The following DPP8 variants were observed in gnomAD, a reference collection of about 807,000 sequenced individuals.
DPP8 encodes DPP VIII.
Under a neutral mutation model 107.5 loss-of-function variants are expected in DPP8, and 31 were observed. The ratio of observed to expected loss-of-function variants is 0.29; its 90% CI spans 0.22 to 0.39. DPP8 has a LOEUF of 0.39. DPP8 is among the 10% of genes least tolerant of loss of function. DPP8 has a pLI of 1.00. For missense variants in DPP8, 842 were observed against 1,076.1 expected (o/e 0.78, Z 3.04); for synonymous variants, 381 against 356.6 (o/e 1.07, Z -0.77).
chr15:65,480,083 A>G lies in DPP8; in HGVS notation c.1296+139T>C, dbSNP rs958429432. 30 of 672,122 alleles carry G rather than the reference A, an allele frequency of 4.5e-5. No individual in the cohort carries two copies. The South Asian group carries it at 4.7e-4, about 10-fold the overall frequency. 41.6% of individuals were successfully genotyped at this position (672,122 alleles called of 1,614,324 possible). A position where few individuals can be genotyped will look rare whatever the true frequency, so the allele number is the denominator to read the frequency against. ...ATTCCATTCTGGAACCATCACTCCAATTGGAAATGCTCATACTAAAGAAAT... is the reference window on the plus strand; with the variant it reads ...ATTCCATTCTGGAACCATCACTCCAGTTGGAAATGCTCATACTAAAGAAAT... On this transcript the variant is annotated intron_variant, in intron 10 of 19. Transcript: ENST00000300141.
intron 7 of DPP8, among the ~76,000 whole-genome samples, chr15:65,486,438 C>T (rs990392642): frequency 9.2e-5 from 14 of 151,762 alleles, no homozygotes; most frequent in African/African-American, 2.9e-4. Flanking sequence ...CCAGGCTGGT[C>T]GAGCTACTCA....
chr15:65,487,631 A>T lies in DPP8; in HGVS notation c.955+59T>A. On this transcript the variant is annotated intron_variant, in intron 7 of 19. Transcript: ENST00000300141. Reference sequence around the variant, plus strand: ...TGGCTACACCTTTGGATGACTACAGAAAGAATCTTATTTGGAAAGAGGAAA... The same window carrying T: ...TGGCTACACCTTTGGATGACTACAGTAAGAATCTTATTTGGAAAGAGGAAA... 3.2e-6 allele frequency: 5 copies of T among 1,545,378 alleles called. No individual in the cohort carries two copies. The South Asian group carries it at 4.8e-5, about 15-fold the overall frequency.
chr15:65,453,239 G>T (rs183649943), intron 17 of DPP8, among the ~76,000 whole-genome samples: 1 of 152,296 alleles, frequency 6.6e-6, no homozygotes, highest in African/African-American at 2.4e-5. Context: ...ATACAATGGT[G>T]TACAGGGCAA....
At chr15:65,466,967 G>C (rs2065416080) in intron 13 of DPP8, 104 bp downstream of exon 13, 2 of 1,473,312 alleles carry the variant, frequency 1.4e-6, no homozygotes, top group East Asian at 2.3e-5. Flanking sequence ...CTTTTCCTTA[G>C]AGAATTAGGC....
intron 18 of DPP8, among the ~76,000 whole-genome samples, chr15:65,451,750 C>A (rs1415043644): frequency 2.0e-5 from 3 of 151,664 alleles, no homozygotes; most frequent in Non-Finnish European, 4.4e-5. Context: ...CATGATAAAA[C>A]CCTGACTCTA....
At position 65,481,632 on chromosome 15, in the gene DPP8, A is replaced by C; in HGVS notation, c.1018-17T>G. The C allele has an allele frequency of 7.8e-6, 10 of 1,283,394 alleles. No homozygotes were observed. Among genetic ancestry groups the C allele is most frequent in the Non-Finnish European group, 8.6e-6 (8 of 925,454 alleles). The allele number at this position is 1,283,394 out of a possible 1,614,324, so 79.5% of individuals were successfully genotyped here. A position where few individuals can be genotyped will look rare whatever the true frequency, so the allele number is the denominator to read the frequency against. On this transcript the variant is annotated splice_polypyrimidine_tract_variant and intron_variant, in intron 8 of 19. Coordinates refer to ENST00000300141, the MANE Select transcript of DPP8 (RefSeq NM_130434.5). ...ATCTATGATCTATTAAAAAAGAAAA[A>C]AAAAGAATCTAGTTATAGAAGATTT...
intron 12 of DPP8, among the ~76,000 whole-genome samples, chr15:65,472,506 C>T (rs973545385): frequency 2.0e-4 from 31 of 151,802 alleles, no homozygotes; most frequent in Admixed American, 6.6e-5. Flanking sequence ...TTATATGTTG[C>T]CCAAACTGTT....
intron 19 of DPP8, among the ~76,000 whole-genome samples, chr15:65,448,350 T>G (rs2063623772): frequency 6.6e-6 from 1 of 151,900 alleles, no homozygotes; most frequent in Non-Finnish European, 1.5e-5. Context: ...CCTGGGCAAC[T>G]TAGTGACACC....
intron 12 of DPP8, among the ~76,000 whole-genome samples, chr15:65,473,223 G>C (rs1324340016): frequency 2.0e-5 from 3 of 151,732 alleles, no homozygotes; most frequent in African/African-American, 7.3e-5. Flanking sequence ...TACTCGGGAG[G>C]CTGAAGCAGG....
rs184807809 is a variant in DPP8 at position 65,487,585 on chromosome 15, G to T, written c.955+105C>A. Reference sequence around the variant, plus strand: ...TAGTGAACAACCCGTCGTAAATAAGGCTGGAAATGACCAATGTTGTTGGCT... The same window carrying T: ...TAGTGAACAACCCGTCGTAAATAAGTCTGGAAATGACCAATGTTGTTGGCT... On this transcript the variant is annotated intron_variant, in intron 7 of 19. Transcript: ENST00000300141. The T allele has an allele frequency of 9.4e-5, 101 of 1,076,076 alleles. No homozygotes were observed. The East Asian group carries it at 2.2e-3, about 24-fold the overall frequency. 66.7% of individuals were successfully genotyped at this position (1,076,076 alleles called of 1,614,324 possible).
At chr15:65,455,328 C>G (rs1302837484) in intron 16 of DPP8, 2 of 157,828 alleles carry the variant, frequency 1.3e-5, no homozygotes, top group Non-Finnish European at 2.8e-5. Flanking sequence ...GAGGTGGGGT[C>G]TCATTATGTT....
intron 1 of DPP8, among the ~76,000 whole-genome samples, chr15:65,513,479 T>C (rs1484526207): frequency 6.6e-6 from 1 of 152,254 alleles, no homozygotes; most frequent in African/African-American, 2.4e-5. Context: ...CCCAAAGTGC[T>C]GGGATTACAG....
In DPP8 at chr15:65,512,331, G is replaced by A. The variant is rs2070893863; in HGVS notation, c.223C>T (p.Pro75Ser). 3.1e-6 allele frequency: 5 copies of A among 1,613,650 alleles called. No homozygotes were observed. The highest frequency in any genetic ancestry group is 4.2e-6 in the Non-Finnish European group (5 of 1,179,956). The change falls in exon 2 of 20, where the codon CCA becomes TCA. Residue 75 changes from proline to serine, a missense_variant. Pro to Ser is a moderately conservative substitution (Grantham distance 74). Transcript: ENST00000300141. ...ATTCTGTCTGAATGAGGTCCATCTG[G>A]ATCATTCCTCTTCACAAACATGAAA... is the stretch of plus-strand genomic sequence containing the variant. ...HDFMFVKRND[P>S]DGPHSDRIYY...
intron 2 of DPP8, among the ~76,000 whole-genome samples, chr15:65,511,040 G>A (rs1368196345): frequency 6.6e-6 from 1 of 152,108 alleles, no homozygotes; most frequent in African/African-American, 2.4e-5. Context: ...TCTTTGAAAG[G>A]GGAGTTCAGT....
At chr15:65,463,286 C>G (rs2065067481) in intron 15 of DPP8, among the ~76,000 whole-genome samples, 1 of 152,162 alleles carries the variant, frequency 6.6e-6, no homozygotes, top group Non-Finnish European at 1.5e-5. Context: ...CGCCTGTAAT[C>G]CCAACACTTT....
At chr15:65,463,705 G>T in intron 15 of DPP8, 56 bp downstream of exon 15, 2 of 1,456,222 alleles carry the variant, frequency 1.4e-6, no homozygotes, top group Non-Finnish European at 1.9e-6. Context: ...AAAAACAAAA[G>T]ATCTAAAATA....
intron 15 of DPP8, among the ~76,000 whole-genome samples, chr15:65,460,147 A>G (rs1403509032): frequency 6.6e-6 from 1 of 152,036 alleles, no homozygotes; most frequent in Non-Finnish European, 1.5e-5. Context: ...TTCTGTACCC[A>G]TTAATAACTT....
intron 7 of DPP8, among the ~76,000 whole-genome samples, chr15:65,486,965 C>G (rs967279710): frequency 4.0e-5 from 6 of 150,974 alleles, no homozygotes; most frequent in African/African-American, 1.5e-4. Flanking sequence ...ACCTGTTCCT[C>G]AAAAACTACT....
intron 10 of DPP8, among the ~76,000 whole-genome samples, chr15:65,479,485 G>GC (rs1366673014): frequency 1.3e-5 from 2 of 152,116 alleles, no homozygotes; most frequent in Non-Finnish European, 2.9e-5. Flanking sequence ...AAGTGAGATG[G>GC]CTTTATTTAT....
Sources: gnomAD v4.1 joint callset for allele counts (sites outside exome capture counted in the v4.1 genomes callset) on GRCh38, gnomAD v4.1.1 for gene constraint, MANE v1.5 for transcripts, NCBI Gene and HGNC (gene_info 2026-07-23, HGNC 2026-07-21) for gene names.